The following RIPOR3 variants were observed in gnomAD, a reference collection of about 807,000 sequenced individuals.
RIPOR3 encodes family with sequence similarity 65 member C.
Under a neutral mutation model 114.3 loss-of-function variants are expected in RIPOR3, and 95 were observed. The observed-to-expected ratio is 0.83, with a 90% CI of 0.70 to 0.99. The LOEUF is 0.99. RIPOR3 is among the 50% of genes least tolerant of loss of function. The pLI is 0.00. For synonymous variants in RIPOR3, 575 were observed against 543.8 expected (o/e 1.06, Z -0.80); for missense variants, 1,252 against 1,266.9 (o/e 0.99, Z 0.18).
At chr20:50,641,614 C>G (rs1274328473) in intron 1 of RIPOR3, among the ~76,000 whole-genome samples, 4 of 152,228 alleles carry the variant, frequency 2.6e-5, no homozygotes, top group Non-Finnish European at 2.9e-5. Flanking sequence ...TAGCACGGCC[C>G]TGCCCTTGAC....
intron 1 of RIPOR3, among the ~76,000 whole-genome samples, chr20:50,668,708 T>C (rs2086344680): frequency 6.6e-6 from 1 of 152,012 alleles, no homozygotes; most frequent in Admixed American, 6.6e-5. Flanking sequence ...AATACAAAAA[T>C]TAGCTGGGCG....
In RIPOR3 at chr20:50,652,974, T is replaced by C. The variant is rs563303978; in HGVS notation, c.4-22118A>G. Among the ~76,000 whole-genome samples the C allele has an allele frequency of 9.8e-5, 15 of 152,324 alleles. No homozygotes were observed. The East Asian group carries it at 2.9e-3, about 29-fold the overall frequency. On this transcript the variant is annotated intron_variant, in intron 1 of 21. Transcript: ENST00000327979. ...CTCCTAAGTATACATCCAAGAGGAA[T>C]GTTAACATATGTCCACGCAAAACCC...
intron 1 of RIPOR3, among the ~76,000 whole-genome samples, chr20:50,679,909 A>G (rs940761622): frequency 6.6e-6 from 1 of 152,144 alleles, no homozygotes; most frequent in African/African-American, 2.4e-5. Context: ...GTGAGCCAAG[A>G]TCACACCACT....
At chr20:50,619,955 T>G in intron 3 of RIPOR3, 31 bp downstream of exon 3, 1 of 1,595,630 alleles carries the variant, frequency 6.3e-7, no homozygotes, top group Non-Finnish European at 8.6e-7. Flanking sequence ...AGGAATGCAC[T>G]TCTTAAAGGC....
At chr20:50,597,862 C>T in intron 13 of RIPOR3, 152 bp from the exon 14 acceptor site, 4 of 1,237,054 alleles carry the variant, frequency 3.2e-6, no homozygotes, top group Non-Finnish European at 4.4e-6. Context: ...CAGCCGCTGG[C>T]CCAAGGCGTG....
At chr20:50,593,243 T>C (rs1408907112) in intron 17 of RIPOR3, 47 bp from the exon 18 acceptor site, 1 of 1,583,548 alleles carries the variant, frequency 6.3e-7, no homozygotes, top group Non-Finnish European at 8.6e-7. Flanking sequence ...ACCTCGACCC[T>C]CCACGCTTCT....
At chr20:50,676,132 G>T (rs2086669388) in intron 1 of RIPOR3, among the ~76,000 whole-genome samples, 1 of 152,182 alleles carries the variant, frequency 6.6e-6, no homozygotes, top group African/African-American at 2.4e-5. Context: ...TTCGCCTTTT[G>T]TCCCAAGACA....
At chr20:50,614,023 TTTCA>T (rs531219183) in intron 4 of RIPOR3, among the ~76,000 whole-genome samples, 98 of 152,052 alleles carry the variant, frequency 6.4e-4, no homozygotes, top group Admixed American at 1.9e-3. Context: ...TGCTTGCTTA[TTTCA>T]TTCATTCATT....
intron 2 of RIPOR3, chr20:50,621,028 G>T (rs879109871): frequency 6.2e-6 from 3 of 484,534 alleles, no homozygotes; most frequent in African/African-American, 4.0e-5. Context: ...AGGAGGAGCC[G>T]AGCCAATGTC....
At chr20:50,643,991 G>C (rs2085299020) in intron 1 of RIPOR3, among the ~76,000 whole-genome samples, 1 of 152,082 alleles carries the variant, frequency 6.6e-6, no homozygotes, top group Non-Finnish European at 1.5e-5. Context: ...GGGATTACAG[G>C]CGTGAGCCAC....
intron 1 of RIPOR3, among the ~76,000 whole-genome samples, chr20:50,675,503 T>G (rs1431792254): frequency 6.6e-6 from 1 of 152,188 alleles, no homozygotes; most frequent in Non-Finnish European, 1.5e-5. Context: ...TTGAATTTGG[T>G]CTATCTGGTC....
chr20:50,689,350 A>G (rs1045036560), intron 1 of RIPOR3, among the ~76,000 whole-genome samples: 2 of 151,786 alleles, frequency 1.3e-5, no homozygotes, highest in Admixed American at 6.6e-5. Context: ...TAATTTTTGT[A>G]TTTTTAATAG....
chr20:50,639,046 A>T (rs2085099411), intron 1 of RIPOR3, among the ~76,000 whole-genome samples: 1 of 152,120 alleles, frequency 6.6e-6, no homozygotes, highest in Non-Finnish European at 1.5e-5. Flanking sequence ...GTTTGAAACC[A>T]GCCTGGTCAA....
chr20:50,587,378 C>G (rs1047620369), intron 21 of RIPOR3, 46 bp from the exon 22 acceptor site: 2 of 1,524,782 alleles, frequency 1.3e-6, no homozygotes, highest in Non-Finnish European at 1.8e-6. Flanking sequence ...CCTGCCTTGG[C>G]ACTTCCAACT....
At chr20:50,670,717 TTC>T (rs1424596226) in intron 1 of RIPOR3, among the ~76,000 whole-genome samples, 2 of 152,092 alleles carry the variant, frequency 1.3e-5, no homozygotes, top group Non-Finnish European at 2.9e-5. Flanking sequence ...TATGATTAAA[TTC>T]CAACCCTGCG....
intron 6 of RIPOR3, 89 bp from the exon 7 acceptor site, chr20:50,609,811 C>T: frequency 2.3e-6 from 3 of 1,331,396 alleles, no homozygotes; most frequent in South Asian, 4.1e-5. Flanking sequence ...GGGAGAGGCC[C>T]TCCCTGAGCT....
chr20:50,681,224 C>CA (rs752151661), intron 1 of RIPOR3, among the ~76,000 whole-genome samples: 105 of 47,576 alleles, frequency 2.2e-3, no homozygotes, highest in African/African-American at 5.9e-3. Context: ...AACTCTGTCT[C>CA]AAAAAAAAAA....
At chr20:50,675,766 C>T (rs138698729) in intron 1 of RIPOR3, among the ~76,000 whole-genome samples, 29 of 152,316 alleles carry the variant, frequency 1.9e-4, no homozygotes, top group East Asian at 7.7e-4. Flanking sequence ...GAGTGGCTCT[C>T]GGCCCCCGGG....
intron 1 of RIPOR3, among the ~76,000 whole-genome samples, chr20:50,667,622 G>T (rs908559745): frequency 1.3e-5 from 2 of 152,100 alleles, no homozygotes; most frequent in Non-Finnish European, 1.5e-5. Flanking sequence ...CGTCCTCACC[G>T]CGGCTCAGCT....
Sources: allele counts gnomAD v4.1 joint callset (sites outside exome capture counted in the v4.1 genomes callset), GRCh38; gene constraint gnomAD v4.1.1; transcripts MANE v1.5; gene names NCBI Gene and HGNC (gene_info 2026-07-23, HGNC 2026-07-21).